The following VWC2L variants were observed in gnomAD, a reference collection of about 807,000 sequenced individuals.
The protein encoded by VWC2L is von Willebrand factor C domain containing 2 like.
VWC2L carries 10 observed loss-of-function variants against 21.6 expected under a neutral mutation model. The ratio of observed to expected loss-of-function variants is 0.46; its 90% CI spans 0.29 to 0.78. VWC2L has a LOEUF of 0.78. VWC2L is among the 30% of genes least tolerant of loss of function. The probability of loss-of-function intolerance (pLI) is 0.10; values close to 1 mark genes in which losing one functional copy is unlikely to be tolerated. For synonymous variants in VWC2L, 96 were observed against 94.3 expected (o/e 1.02, Z -0.10); for missense variants, 209 against 277.1 (o/e 0.75, Z 1.74).
rs55864016 is a variant in VWC2L at position 214,563,546 on chromosome 2, C to CAAAAAAAAAAAAAAAA, written c.521-12106_521-12091dup. 2.3e-3 allele frequency among the ~76,000 whole-genome samples: 216 copies of CAAAAAAAAAAAAAAAA among 95,826 alleles called. 5 individuals carry two copies. Among genetic ancestry groups the CAAAAAAAAAAAAAAAA allele is most frequent in the Middle Eastern group, 6.0e-3 (1 of 168 alleles). The allele number at this position is 95,826 out of a possible 152,430, so 62.9% of individuals were successfully genotyped here. A position where few individuals can be genotyped will look rare whatever the true frequency, so the allele number is the denominator to read the frequency against. On this transcript the variant is annotated intron_variant, in intron 3 of 3. Transcript: ENST00000312504. ...TGGGTGACACAGCAAGACTCCGTCT[C>CAAAAAAAAAAAAAAAA]AAAAAAAAAAAAAAAAAAAAAAAAA...
In VWC2L at chr2:214,528,405, A is replaced by G. The variant is rs537122249; in HGVS notation, c.521-47267A>G. On this transcript the variant is annotated intron_variant, in intron 3 of 3. Transcript: ENST00000312504. Reference sequence around the variant, plus strand: ...CTTATACTTATTGGTGTATTTCAGTATCTTAAATCCAAGTGGAATAAATCT... The same window carrying G: ...CTTATACTTATTGGTGTATTTCAGTGTCTTAAATCCAAGTGGAATAAATCT... 2.0e-5 allele frequency among the ~76,000 whole-genome samples: 3 copies of G among 152,302 alleles called. No homozygotes were observed. The South Asian group carries it at 6.2e-4, about 32-fold the overall frequency.
At chr2:214,413,131 G>C (rs1702302290) in intron 1 of VWC2L, among the ~76,000 whole-genome samples, 2 of 152,014 alleles carry the variant, frequency 1.3e-5, no homozygotes, top group African/African-American at 4.8e-5. Flanking sequence ...CTTAATTACA[G>C]TTTTAAGCAA....
chr2:214,427,178 G>A (rs944203232), intron 2 of VWC2L, among the ~76,000 whole-genome samples: 43 of 152,024 alleles, frequency 2.8e-4, no homozygotes, highest in African/African-American at 7.5e-4. Flanking sequence ...ATTTTCACAC[G>A]TTAGCTTTAT....
At chr2:214,480,724 T>C (rs954796413) in intron 3 of VWC2L, among the ~76,000 whole-genome samples, 4 of 151,894 alleles carry the variant, frequency 2.6e-5, no homozygotes, top group African/African-American at 9.7e-5. Context: ...AGGAAGGAGC[T>C]TGGAAAATAG....
rs901762848 is a variant in VWC2L, at chr2:214,577,779, G to A, written c.*1959G>A. ...AAGCATCTGCTGTCATCAAGAAAGA[G>A]TTGTCATTTCCAAAATTAACGTGCT... On this transcript the variant is annotated 3_prime_UTR_variant, in exon 4 of 4. Transcript: ENST00000312504. 6.6e-6 allele frequency: 1 copy of A among 152,156 alleles called. No homozygotes were observed. The highest frequency in any genetic ancestry group is 2.4e-5 in the African/African-American group (1 of 41,434). The allele number at this position is 152,156 out of a possible 1,614,324, so 9.4% of individuals were successfully genotyped here.
chr2:214,490,982 T>G (rs1688737826), intron 3 of VWC2L, among the ~76,000 whole-genome samples: 2 of 152,134 alleles, frequency 1.3e-5, no homozygotes, highest in Non-Finnish European at 2.9e-5. Flanking sequence ...ATTTCCGGAA[T>G]ATGTACATTC....
chr2:214,551,345 C>T (rs1191958078), intron 3 of VWC2L, among the ~76,000 whole-genome samples: 1 of 152,140 alleles, frequency 6.6e-6, no homozygotes, highest in African/African-American at 2.4e-5. Flanking sequence ...ATTTTAAGCA[C>T]CTTGAGCTGT....
intron 3 of VWC2L, among the ~76,000 whole-genome samples, chr2:214,544,619 G>T (rs1184010864): frequency 6.6e-6 from 1 of 152,106 alleles, no homozygotes; most frequent in East Asian, 1.9e-4. Flanking sequence ...ACAAGTGATT[G>T]AATAATGGCG....
At chr2:214,558,032 G>A (rs145020122) in intron 3 of VWC2L, among the ~76,000 whole-genome samples, 80 of 152,104 alleles carry the variant, frequency 5.3e-4, no homozygotes, top group African/African-American at 1.9e-3. Context: ...TCACCACTCC[G>A]CAGACATTGT....
intron 2 of VWC2L, among the ~76,000 whole-genome samples, chr2:214,422,921 A>G (rs192383833): frequency 6.6e-6 from 1 of 152,334 alleles, no homozygotes; most frequent in African/African-American, 2.4e-5. Flanking sequence ...ATTATGTCAC[A>G]TAACCATGAA....
intron 2 of VWC2L, among the ~76,000 whole-genome samples, chr2:214,421,569 G>T (rs140866183): frequency 7.6e-4 from 115 of 152,214 alleles, no homozygotes; most frequent in African/African-American, 2.6e-3. Context: ...CACATTGGGA[G>T]ATCGGCGTTG....
At chr2:214,540,651 T>A (rs1190163404) in intron 3 of VWC2L, among the ~76,000 whole-genome samples, 1 of 152,224 alleles carries the variant, frequency 6.6e-6, no homozygotes, top group Non-Finnish European at 1.5e-5. Context: ...AAGATTTACA[T>A]GAGAAGAATG....
chr2:214,529,356 C>T (rs1171484217), intron 3 of VWC2L, among the ~76,000 whole-genome samples: 2 of 152,124 alleles, frequency 1.3e-5, no homozygotes, highest in African/African-American at 4.8e-5. Flanking sequence ...GGGCAAGGGG[C>T]TCCTAGCCAG....
At chr2:214,503,962 G>A (rs1688931756) in intron 3 of VWC2L, among the ~76,000 whole-genome samples, 2 of 137,660 alleles carry the variant, frequency 1.5e-5, no homozygotes, top group African/African-American at 5.1e-5. Context: ...CAGGGAAGGA[G>A]CACAATTTGT....
chr2:214,525,011 AG>A (rs1451453388), intron 3 of VWC2L, among the ~76,000 whole-genome samples: 5 of 149,396 alleles, frequency 3.3e-5, no homozygotes, highest in African/African-American at 1.2e-4. Flanking sequence ...TGTTTAGAAA[AG>A]CTTGGGTGCA....
At chr2:214,414,672 A>G (rs947244948) in intron 2 of VWC2L, 89 bp downstream of exon 2, 1 of 1,399,124 alleles carries the variant, frequency 7.1e-7, no homozygotes, top group African/African-American at 1.5e-5. Flanking sequence ...AGTTGGAAAA[A>G]TGTACTTTAA....
At chr2:214,448,014 CTGTGATCCCCA>C (rs1702865795) in intron 3 of VWC2L, among the ~76,000 whole-genome samples, 1 of 152,086 alleles carries the variant, frequency 6.6e-6, no homozygotes, top group South Asian at 2.1e-4. Context: ...AAACCCTGGA[CTGTGATCCCCA>C]TGTGGTTCTA....
intron 2 of VWC2L, among the ~76,000 whole-genome samples, chr2:214,420,603 CAG>C (rs1410162167): frequency 1.3e-5 from 2 of 152,112 alleles, no homozygotes; most frequent in African/African-American, 4.8e-5. Context: ...ATTTTAATAA[CAG>C]AGAAATCAGT....
intron 2 of VWC2L, among the ~76,000 whole-genome samples, chr2:214,419,466 C>G (rs1183149956): frequency 1.3e-5 from 2 of 152,028 alleles, no homozygotes; most frequent in African/African-American, 4.8e-5. Flanking sequence ...TGACTATTTC[C>G]TTATACTTTA....
Sources: allele counts gnomAD v4.1 joint callset (sites outside exome capture counted in the v4.1 genomes callset), GRCh38; gene constraint gnomAD v4.1.1; transcripts MANE v1.5; gene names NCBI Gene and HGNC (gene_info 2026-07-23, HGNC 2026-07-21).